The following FNDC3A variants were observed in gnomAD, a reference collection of about 807,000 sequenced individuals.
FNDC3A encodes fibronectin type III domain containing 3A, also known as fibronectin type-III domain-containing protein 3A.
FNDC3A carries 32 observed loss-of-function variants against 148.9 expected under a neutral mutation model. The ratio of observed to expected loss-of-function variants is 0.21; its 90% CI spans 0.16 to 0.29. The LOEUF (loss-of-function observed/expected upper bound fraction) is 0.29. FNDC3A is among the 10% of genes least tolerant of loss of function. FNDC3A has a pLI of 1.00. For synonymous variants in FNDC3A, 472 were observed against 473.6 expected, an observed-to-expected ratio of 1.00 and a Z score of 0.04; for missense variants, 1,191 against 1,452.8, an observed-to-expected ratio of 0.82 and a Z score of 2.93.
chr13:49,047,036 A>G (rs1441393340), intron 2 of FNDC3A, among the ~76,000 whole-genome samples: 2 of 151,752 alleles, frequency 1.3e-5, no homozygotes, highest in Non-Finnish European at 2.9e-5. Flanking sequence ...CCAAAATCCA[A>G]TATATCATTC....
At chr13:49,118,358 C>T (rs534724357) in intron 4 of FNDC3A, among the ~76,000 whole-genome samples, 1 of 152,328 alleles carries the variant, frequency 6.6e-6, no homozygotes. Context: ...CTTCGCAACC[C>T]GCAGACCAGG....
rs1164672482 is a variant in FNDC3A, at chr13:49,191,035, G to T, written c.1965G>T (p.Val655=). 6.2e-7 allele frequency: 1 copy of T among 1,612,480 alleles called. No homozygotes were observed. Among genetic ancestry groups the T allele is most frequent in the African/African-American group, 1.3e-5 (1 of 74,824 alleles). ...GQSAVSESLL[V]QTPAVPPGPC... is the part of the protein sequence containing the mutation. ...GGCAGGTCTCTGAATCTTTACTTGT[G>T]CAGACTCCAGCTGTGCCTCCTGGCC... is the stretch of plus-strand genomic sequence containing the variant. The change falls in exon 18 of 26, where the codon GTG becomes GTT. Residue 655 remains valine (V), a synonymous_variant. Transcript: ENST00000492622.
At chr13:48,989,093 G>A (rs975704039) in intron 1 of FNDC3A, among the ~76,000 whole-genome samples, 2 of 152,178 alleles carry the variant, frequency 1.3e-5, no homozygotes, top group African/African-American at 2.4e-5. Flanking sequence ...GCATTCAGTA[G>A]AGTACTCTGG....
intron 2 of FNDC3A, among the ~76,000 whole-genome samples, chr13:49,056,451 T>A (rs998146842): frequency 1.4e-4 from 21 of 152,218 alleles, no homozygotes; most frequent in African/African-American, 4.8e-4. Context: ...TCTTTATTCA[T>A]CTAGAGACTT....
intron 3 of FNDC3A, among the ~76,000 whole-genome samples, chr13:49,083,763 GTA>G (rs1363280478): frequency 6.6e-6 from 1 of 152,210 alleles, no homozygotes; most frequent in Non-Finnish European, 1.5e-5. Flanking sequence ...AGCTATGGCT[GTA>G]TAAAAATGGA....
At chr13:49,185,312 C>G (rs1272295661) in intron 14 of FNDC3A, among the ~76,000 whole-genome samples, 1 of 152,008 alleles carries the variant, frequency 6.6e-6, no homozygotes, top group Non-Finnish European at 1.5e-5. Flanking sequence ...AATTGAGAAC[C>G]AGCTTAACTG....
chr13:48,977,240 C>CAACG (rs780426283), intron 1 of FNDC3A, among the ~76,000 whole-genome samples: 42 of 152,064 alleles, frequency 2.8e-4, no homozygotes, highest in Non-Finnish European at 4.9e-4. Flanking sequence ...TAAAACCGAA[C>CAACG]AACGTAATTA....
chr13:49,052,291 C>G (rs1875896340), intron 2 of FNDC3A, among the ~76,000 whole-genome samples: 1 of 152,172 alleles, frequency 6.6e-6, no homozygotes, highest in African/African-American at 2.4e-5. Context: ...TTCCTGGTTC[C>G]TTCCCATTGG....
At chr13:49,187,101 C>T in intron 15 of FNDC3A, 21 bp from the exon 16 acceptor site, 1 of 1,584,914 alleles carries the variant, frequency 6.3e-7, no homozygotes, top group Non-Finnish European at 8.6e-7. Context: ...TTGCCTAATA[C>T]TACTTTGCTT....
chr13:49,059,704 A>T (rs1448486929), intron 2 of FNDC3A, among the ~76,000 whole-genome samples: 1 of 151,980 alleles, frequency 6.6e-6, no homozygotes, highest in Admixed American at 6.6e-5. Flanking sequence ...CGATCCTCCC[A>T]CCTCAGCCTC....
At position 49,070,896 on chromosome 13, in the gene FNDC3A, T is replaced by TG. The variant is rs1412495406; in HGVS notation, c.100-4393_100-4392insG. Among the ~76,000 whole-genome samples the TG allele has an allele frequency of 1.7e-3, 249 of 146,634 alleles. 4 individuals are homozygous for TG. The highest frequency in any genetic ancestry group is 4.5e-3 in the African/African-American group (181 of 40,058). ...AACAGGATTTCTTTTTTTTTTTTGT[T>TG]TTGTTTTTTTTCTTTTTTTTGAGAC... is the stretch of plus-strand genomic sequence containing the variant. On this transcript the variant is annotated intron_variant, in intron 2 of 25. Transcript: ENST00000492622.
At position 49,145,943 on chromosome 13, in the gene FNDC3A, TTTG is replaced by T; in HGVS notation, c.977+14_977+16del. Reference sequence around the variant, plus strand: ...ATACAAAAGTGTATATGTGTAGGTATTTGTTGTTTTGCTTTCTCCCATTGTGTA... The same window carrying T: ...ATACAAAAGTGTATATGTGTAGGTATTTGTTTTGCTTTCTCCCATTGTGTA... On this transcript the variant is annotated intron_variant, in intron 8 of 25. Coordinates refer to ENST00000492622, the MANE Select transcript of FNDC3A (RefSeq NM_001079673.2). 1.9e-6 allele frequency: 3 copies of T among 1,594,790 alleles called. No individual in the cohort carries two copies. The highest frequency in any genetic ancestry group is 2.6e-6 in the Non-Finnish European group (3 of 1,170,690).
At chr13:49,037,599 T>G (rs374717835) in intron 2 of FNDC3A, among the ~76,000 whole-genome samples, 1 of 152,222 alleles carries the variant, frequency 6.6e-6, no homozygotes, top group East Asian at 1.9e-4. Context: ...AAAATTGATA[T>G]GTTGAAGTCC....
At chr13:49,033,751 TA>T (rs1163082147) in intron 2 of FNDC3A, among the ~76,000 whole-genome samples, 1 of 152,012 alleles carries the variant, frequency 6.6e-6, no homozygotes, top group Non-Finnish European at 1.5e-5. Context: ...AATTTATACT[TA>T]AATTTTTTGT....
At chr13:49,164,808 GC>G (rs1884366280) in intron 8 of FNDC3A, among the ~76,000 whole-genome samples, 1 of 151,992 alleles carries the variant, frequency 6.6e-6, no homozygotes, top group Admixed American at 6.6e-5. Context: ...ATGGAGTTTC[GC>G]CTTGTTGGGC....
At chr13:49,047,860 CTT>C (rs1424126538) in intron 2 of FNDC3A, among the ~76,000 whole-genome samples, 1 of 152,134 alleles carries the variant, frequency 6.6e-6, no homozygotes, top group African/African-American at 2.4e-5. Flanking sequence ...GTCATGAAGT[CTT>C]TGCTTAAGCC....
intron 4 of FNDC3A, among the ~76,000 whole-genome samples, chr13:49,127,821 C>T (rs1440761029): frequency 6.6e-6 from 1 of 152,158 alleles, no homozygotes; most frequent in African/African-American, 2.4e-5. Context: ...ACTATTGTTC[C>T]CTAACTTCTT....
rs112143270 is a variant in FNDC3A at position 49,049,367 on chromosome 13, C to T, written c.100-25922C>T. Among the ~76,000 whole-genome samples, 547 of 152,172 alleles carry T rather than the reference C, an allele frequency of 3.6e-3. 1 individual carries two copies. The highest frequency in any genetic ancestry group is 6.1e-3 in the Non-Finnish European group (416 of 67,988). ...TCCCCCTTTCTCTTTCTTTTGGAAT[C>T]ATGTCAGTAGGATTGGTACCAATTC... On this transcript the variant is annotated intron_variant, in intron 2 of 25. Transcript: ENST00000492622.
chr13:48,999,328 CA>C (rs1316477297), intron 1 of FNDC3A, among the ~76,000 whole-genome samples: 2 of 152,196 alleles, frequency 1.3e-5, no homozygotes, highest in Non-Finnish European at 2.9e-5. Flanking sequence ...TGGGACATGT[CA>C]CCCCTTTCTT....
Sources: allele counts gnomAD v4.1 joint callset (sites outside exome capture counted in the v4.1 genomes callset), GRCh38; gene constraint gnomAD v4.1.1; transcripts MANE v1.5; gene names NCBI Gene and HGNC (gene_info 2026-07-23, HGNC 2026-07-21).